ZFHX3: variants seen among roughly 807,000 people sequenced by gnomAD.
The protein encoded by ZFHX3 is zinc finger homeobox 3.
Under a neutral mutation model 279.1 loss-of-function variants are expected in ZFHX3, and 42 were observed. The ratio of observed to expected loss-of-function variants is 0.15; its 90% CI spans 0.12 to 0.19. The LOEUF is 0.19. Among genes scored for constraint, ZFHX3 ranks in the 10% least tolerant of loss-of-function variants. The pLI, the probability that ZFHX3 is intolerant of heterozygous loss-of-function variation, is 1.00. For missense variants in ZFHX3, 4,981 were observed against 4,754.0 expected, an observed-to-expected ratio of 1.05 and a Z score of -1.40; for synonymous variants, 2,293 against 1,957.8, an observed-to-expected ratio of 1.17 and a Z score of -4.52.
intron 1 of ZFHX3, among the ~76,000 whole-genome samples, chr16:73,742,519 A>G (rs454357): frequency 0.14 from 20,619 of 152,140 alleles, 1,741 homozygotes; most frequent in African/African-American, 0.23. Flanking sequence ...AATATTCCAA[A>G]TTGCATCATT....
intron 1 of ZFHX3, among the ~76,000 whole-genome samples, chr16:73,802,411 T>G (rs778333640): frequency 6.6e-6 from 1 of 152,252 alleles, no homozygotes; most frequent in Non-Finnish European, 1.5e-5. Context: ...TAGGAAATGC[T>G]AATTTATCTT....
chr16:73,136,297 G>C (rs1966790959), intron 6 of ZFHX3, among the ~76,000 whole-genome samples: 2 of 152,058 alleles, frequency 1.3e-5, no homozygotes, highest in South Asian at 2.1e-4. Flanking sequence ...CCACTCTGAG[G>C]ACATCACTCT....
Position 73,204,186 on chromosome 16 carries a change from A to G in ZFHX3, c.-1104+52861T>C, listed in dbSNP as rs1304559758. The stretch of plus-strand genomic sequence containing the variant: ...ATGAAAGACAGTTTTTCCACGGACT[A>G]TGGGTCGGGGGTAGGGGGAATGGTT... On this transcript the variant is annotated intron_variant, in intron 5 of 17. Transcript: ENST00000641206. 2.0e-5 allele frequency among the ~76,000 whole-genome samples: 3 copies of G among 151,882 alleles called. No individual in the cohort carries two copies. The East Asian group carries it at 5.8e-4, about 29-fold the overall frequency.
chr16:73,155,190 A>C (rs1967048002), intron 5 of ZFHX3, among the ~76,000 whole-genome samples: 1 of 151,672 alleles, frequency 6.6e-6, no homozygotes. Flanking sequence ...CAAAAAAAAA[A>C]AAAACAAAAA....
intron 1 of ZFHX3, among the ~76,000 whole-genome samples, chr16:73,715,659 G>A (rs140419751): frequency 1.9e-3 from 264 of 139,444 alleles, no homozygotes; most frequent in African/African-American, 6.8e-3. Context: ...TGCAACCTCT[G>A]CCTCCAGGGT....
chr16:72,843,513 T>TAAA (rs59007764), intron 4 of ZFHX3, among the ~76,000 whole-genome samples: 6 of 39,460 alleles, frequency 1.5e-4, no homozygotes, highest in Admixed American at 2.7e-4. Flanking sequence ...AGACTCCGTC[T>TAAA]AAAAAAAAAA....
At chr16:73,881,020 T>A (rs1472275602) in intron 1 of ZFHX3, among the ~76,000 whole-genome samples, 5 of 152,182 alleles carry the variant, frequency 3.3e-5, no homozygotes, top group African/African-American at 1.2e-4. Flanking sequence ...GGGAAGGAAC[T>A]GAATACAAAG....
intron 8 of ZFHX3, among the ~76,000 whole-genome samples, chr16:73,078,048 A>C (rs2144762730): frequency 6.6e-6 from 1 of 152,266 alleles, no homozygotes; most frequent in South Asian, 2.1e-4. Context: ...TGGGTGGTCC[A>C]CCTGCTTCGG....
chr16:73,674,702 G>A (rs1021302826), intron 2 of ZFHX3, among the ~76,000 whole-genome samples: 1 of 152,148 alleles, frequency 6.6e-6, no homozygotes, highest in Non-Finnish European at 1.5e-5. Context: ...TGGAATCTAA[G>A]CCAAGTGACT....
At chr16:72,876,952 G>T (rs567046007) in intron 4 of ZFHX3, among the ~76,000 whole-genome samples, 2 of 152,090 alleles carry the variant, frequency 1.3e-5, no homozygotes, top group African/African-American at 4.8e-5. Context: ...GAGAAAGGGG[G>T]GTGATTCCAA....
chr16:73,608,078 GA>G (rs796892389), intron 2 of ZFHX3, among the ~76,000 whole-genome samples: 5,843 of 133,550 alleles, frequency 0.044, 355 homozygotes, highest in African/African-American at 0.15. Context: ...TGTCTCAAAA[GA>G]AAAAAAAAAA....
intron 1 of ZFHX3, among the ~76,000 whole-genome samples, chr16:73,008,028 T>C (rs1472579596): frequency 6.6e-6 from 1 of 152,214 alleles, no homozygotes; most frequent in Non-Finnish European, 1.5e-5. Flanking sequence ...CTTGGCCTTT[T>C]TTCCCAAATA....
At chr16:73,137,961 A>G (rs532582307) in intron 6 of ZFHX3, among the ~76,000 whole-genome samples, 2 of 152,276 alleles carry the variant, frequency 1.3e-5, no homozygotes, top group South Asian at 2.1e-4. Flanking sequence ...ACAGAAGGAA[A>G]TAATGAAAAT....
chr16:72,900,945 C>T (rs188233011), intron 3 of ZFHX3, among the ~76,000 whole-genome samples: 15 of 152,184 alleles, frequency 9.9e-5, no homozygotes, highest in Non-Finnish European at 2.2e-4. Flanking sequence ...TGGCTTTTCC[C>T]AAAGAGTATC....
At chr16:72,919,505 C>T (rs897221468) in intron 3 of ZFHX3, among the ~76,000 whole-genome samples, 5 of 152,024 alleles carry the variant, frequency 3.3e-5, no homozygotes, top group Admixed American at 1.3e-4. Flanking sequence ...TGACGCACAG[C>T]TAGGTTTAAG....
intron 2 of ZFHX3, among the ~76,000 whole-genome samples, chr16:73,597,862 G>T (rs11149918): frequency 0.97 from 147,109 of 152,340 alleles, 71,072 homozygotes; most frequent in East Asian, 1. Flanking sequence ...GCTAACACTG[G>T]GCACCCACTG....
intron 2 of ZFHX3, among the ~76,000 whole-genome samples, chr16:73,633,488 A>G (rs1223707530): frequency 6.6e-6 from 1 of 152,208 alleles, no homozygotes; most frequent in Non-Finnish European, 1.5e-5. Flanking sequence ...CTTTGCAGGA[A>G]AGTGAGGGGG....
At chr16:73,003,512 A>ACCCCCCCCCCCCCCCCC (rs142323888) in intron 1 of ZFHX3, among the ~76,000 whole-genome samples, 2 of 120,680 alleles carry the variant, frequency 1.7e-5, no homozygotes, top group Non-Finnish European at 3.4e-5. Flanking sequence ...ACATGGTGAG[A>ACCCCCCCCCCCCCCCCC]CCCCCCCCTC....
chr16:72,794,788 C>G lies in ZFHX3; in HGVS notation c.7894G>C (p.Gly2632Arg), dbSNP rs1269699437. 1 of 1,614,086 alleles carries G rather than the reference C, an allele frequency of 6.2e-7. No homozygotes were observed. The highest frequency in any genetic ancestry group is 1.3e-5 in the African/African-American group (1 of 74,932). The change falls in exon 9 of 10, where the codon GGG becomes CGG. Residue 2632 changes from glycine to arginine, a missense_variant. This residue lies in a region of ZFHX3 where 744 missense variants were observed against 701.3 expected (regional missense o/e 1.06). Transcript: ENST00000268489. This position sits in a 1 kb window ranked among gnomAD's most constrained non-coding sequence, Gnocchi z 4.2. The stretch of plus-strand genomic sequence containing the variant: ...CTCTGAGGCTCTTCTCCTCCTGTCC[C>G]ACTGTCGTTTTCGCCAGGGCTTGCA... ...ASASPGENDS[G>R]TGGEEPQRDK...
Sources: gnomAD v4.1 joint callset for allele counts (sites outside exome capture counted in the v4.1 genomes callset) on GRCh38, gnomAD v4.1.1 for gene constraint, gnomAD v4.1.1 regional missense constraint, Gnocchi (gnomAD v3.1) non-coding constraint, MANE v1.5 for transcripts, NCBI Gene and HGNC (gene_info 2026-07-23, HGNC 2026-07-21) for gene names.